COL6A6: variants seen among roughly 807,000 people sequenced by gnomAD.
COL6A6 encodes collagen type VI alpha 6 chain.
Under a neutral mutation model 208.6 loss-of-function variants are expected in COL6A6, and 183 were observed. The ratio of observed to expected loss-of-function variants is 0.88; its 90% CI spans 0.78 to 0.99. The LOEUF is 0.99. Ranked by LOEUF, COL6A6 falls within the 50% of genes least tolerant of loss-of-function variation. The pLI, the probability that COL6A6 is intolerant of heterozygous loss-of-function variation, is 0.00. For missense variants in COL6A6, 2,816 were observed against 2,815.2 expected (o/e 1.00, Z -0.01); for synonymous variants, 973 against 1,011.8 (o/e 0.96, Z 0.73).
At chr3:130,561,209 C>T (rs1163270039) in intron 2 of COL6A6, among the ~76,000 whole-genome samples, 1 of 152,222 alleles carries the variant, frequency 6.6e-6, no homozygotes, top group Non-Finnish European at 1.5e-5. Context: ...CCTTTCTCCA[C>T]AAAAGATGTA....
intron 34 of COL6A6, among the ~76,000 whole-genome samples, chr3:130,660,626 G>A (rs1407557910): frequency 1.3e-5 from 2 of 152,200 alleles, no homozygotes; most frequent in Non-Finnish European, 2.9e-5. Context: ...GTCTGTAGGT[G>A]AGCCTGGTCC....
At chr3:130,668,587 C>T (rs986764969) in intron 36 of COL6A6, among the ~76,000 whole-genome samples, 1 of 151,906 alleles carries the variant, frequency 6.6e-6, no homozygotes, top group African/African-American at 2.4e-5. Context: ...GCAAATATAT[C>T]AAAAATAAAG....
intron 2 of COL6A6, among the ~76,000 whole-genome samples, chr3:130,561,951 T>C (rs115078898): frequency 0.011 from 1,698 of 152,322 alleles, 38 homozygotes; most frequent in African/African-American, 0.039. Context: ...CGCGCCCGGC[T>C]GAATCTACTT....
rs776670655 is a variant in COL6A6 at position 130,661,797 on chromosome 3, C to G, written c.5991C>G (p.Ile1997Met). 1 of 1,613,930 alleles carries G rather than the reference C, an allele frequency of 6.2e-7. No homozygotes were observed. Among genetic ancestry groups the G allele is most frequent in the Non-Finnish European group, 8.5e-7 (1 of 1,179,870 alleles). The change falls in exon 35 of 37, where the codon ATC becomes ATG. Residue 1997 changes from isoleucine to methionine, a missense_variant. By Grantham distance (10) the Ile-to-Met change is conservative (BLOSUM62 1). Transcript: ENST00000358511. ...GAGCACTATTAGATCACTTTGAAAT[C>G]ACCCCAGAGCCGGAGACTTCTGTCA... Reference protein sequence around the residue: ...FLGALLDHFEITPEPETSVTG... With the variant: ...FLGALLDHFEMTPEPETSVTG...
At chr3:130,611,799 T>G (rs575692470) in intron 23 of COL6A6, among the ~76,000 whole-genome samples, 1 of 152,222 alleles carries the variant, frequency 6.6e-6, no homozygotes, top group Non-Finnish European at 1.5e-5. Context: ...ATAATTTGTA[T>G]TTTAGGTCTA....
chr3:130,608,034 A>T (rs987900081), intron 21 of COL6A6, among the ~76,000 whole-genome samples: 2 of 152,214 alleles, frequency 1.3e-5, no homozygotes, highest in Non-Finnish European at 2.9e-5. Context: ...AGGGGCTGAC[A>T]GCTACCTTGA....
Position 130,563,057 on chromosome 3 carries a change from T to C in COL6A6, c.65-11T>C. ...AGTTTTTGGTTCGTTCATATGTTTG[T>C]GGTTTTGCAGGCCCTGAGTATGCAG... On this transcript the variant is annotated splice_polypyrimidine_tract_variant and intron_variant, in intron 2 of 36. Coordinates refer to ENST00000358511, the MANE Select transcript of COL6A6 (RefSeq NM_001102608.3). 6.3e-7 allele frequency: 1 copy of C among 1,588,412 alleles called. No homozygotes were observed. The highest frequency in any genetic ancestry group is 8.6e-7 in the Non-Finnish European group (1 of 1,164,980).
At chr3:130,635,859 A>G in intron 28 of COL6A6, 98 bp downstream of exon 28, 1 of 904,530 alleles carries the variant, frequency 1.1e-6, no homozygotes, top group Non-Finnish European at 1.7e-6. Context: ...GTTACCAGTG[A>G]CTTGCAAAAT....
At chr3:130,670,897 C>T (rs1302828258) in intron 36 of COL6A6, among the ~76,000 whole-genome samples, 1 of 152,206 alleles carries the variant, frequency 6.6e-6, no homozygotes, top group Non-Finnish European at 1.5e-5. Context: ...CATCAGCTAT[C>T]GTTAGCGTTG....
In COL6A6 at chr3:130,563,392, A is replaced by G; in HGVS notation, c.389A>G (p.Gln130Arg). Residue 130 changes from glutamine (Q) to arginine (R), a missense_variant, in exon 3 of 37, where the codon CAG becomes CGG. Coordinates refer to ENST00000358511, the MANE Select transcript of COL6A6 (RefSeq NM_001102608.3). ...SAPANGRDKKQFPPILVVLAS... is the reference protein window; with the variant it reads ...SAPANGRDKKRFPPILVVLAS... ...CCCGCAAATGGGAGAGACAAGAAAC[A>G]GTTTCCCCCAATTCTAGTGGTCCTG... The G allele has an allele frequency of 1.2e-6, 2 of 1,614,026 alleles. No homozygotes were observed. The highest frequency in any genetic ancestry group is 1.1e-5 in the South Asian group (1 of 91,080).
intron 36 of COL6A6, among the ~76,000 whole-genome samples, chr3:130,672,692 C>T (rs556121870): frequency 4.0e-5 from 6 of 151,750 alleles, no homozygotes; most frequent in African/African-American, 1.4e-4. Flanking sequence ...GCGTGAGCCA[C>T]CGCGCCCGGC....
intron 1 of COL6A6, among the ~76,000 whole-genome samples, chr3:130,528,027 C>T (rs1239476355): frequency 6.6e-6 from 1 of 151,034 alleles, no homozygotes; most frequent in Non-Finnish European, 1.5e-5. Flanking sequence ...ATGAGGTTTC[C>T]AGGAGACAGA....
intron 1 of COL6A6, among the ~76,000 whole-genome samples, chr3:130,533,195 A>G (rs2062144161): frequency 6.6e-6 from 1 of 151,734 alleles, no homozygotes; most frequent in South Asian, 2.1e-4. Flanking sequence ...GTATTTTCTA[A>G]CAAGTGCAGT....
In COL6A6 at chr3:130,571,842, ATTTTTT is replaced by A. The variant is rs67080729; in HGVS notation, c.2977+465_2977+470del. Reference sequence around the variant, plus strand: ...AGATGTGTGGCATGAGGCATGGCTAATTTTTTTTTTTTTTTTTTTTTGTGAAGACAG... The same window carrying A: ...AGATGTGTGGCATGAGGCATGGCTAATTTTTTTTTTTTTTTGTGAAGACAG... On this transcript the variant is annotated intron_variant, in intron 7 of 36. Coordinates refer to ENST00000358511, the MANE Select transcript of COL6A6 (RefSeq NM_001102608.3). Among the ~76,000 whole-genome samples the A allele has an allele frequency of 5.8e-3, 639 of 110,836 alleles. 4 individuals are homozygous for A. Among genetic ancestry groups the A allele is most frequent in the African/African-American group, 0.014 (366 of 26,104 alleles). The allele number at this position is 110,836 out of a possible 152,430, so 72.7% of individuals were successfully genotyped here. A position where few individuals can be genotyped will look rare whatever the true frequency, so the allele number is the denominator to read the frequency against.
chr3:130,576,026 T>G (rs1291988173), intron 8 of COL6A6, among the ~76,000 whole-genome samples: 1 of 152,180 alleles, frequency 6.6e-6, no homozygotes, highest in African/African-American at 2.4e-5. Context: ...CAGGGGCTTC[T>G]TAGATGGGAG....
intron 1 of COL6A6, among the ~76,000 whole-genome samples, chr3:130,548,008 G>T (rs1171018587): frequency 1.3e-5 from 2 of 152,168 alleles, no homozygotes; most frequent in Non-Finnish European, 2.9e-5. Flanking sequence ...GGCCAGGCTG[G>T]TCTTGAACTC....
chr3:130,634,717 A>G, intron 27 of COL6A6, 92 bp downstream of exon 27: 1 of 901,980 alleles, frequency 1.1e-6, no homozygotes, highest in African/African-American at 1.7e-5. Context: ...ACAGTTAATG[A>G]TAAATAAATG....
At chr3:130,546,375 G>A (rs1265754061) in intron 1 of COL6A6, among the ~76,000 whole-genome samples, 1 of 152,196 alleles carries the variant, frequency 6.6e-6, no homozygotes, top group Non-Finnish European at 1.5e-5. Context: ...CCTCAGGAGT[G>A]AAGCTGCAGA....
intron 1 of COL6A6, among the ~76,000 whole-genome samples, chr3:130,549,438 C>T (rs1002672742): frequency 6.6e-6 from 1 of 152,124 alleles, no homozygotes; most frequent in African/African-American, 2.4e-5. Context: ...AATTGCTTTT[C>T]ATGTCTTTGT....
Sources: gnomAD v4.1 joint callset for allele counts (sites outside exome capture counted in the v4.1 genomes callset) on GRCh38, gnomAD v4.1.1 for gene constraint, MANE v1.5 for transcripts, NCBI Gene and HGNC (gene_info 2026-07-23, HGNC 2026-07-21) for gene names.